LUZP2: variants seen among roughly 807,000 people sequenced by gnomAD.
The protein encoded by LUZP2 is leucine zipper protein 2.
A neutral mutation model predicts 51.6 loss-of-function variants in LUZP2; 52 were observed. The ratio of observed to expected loss-of-function variants is 1.01; its 90% CI spans 0.81 to 1.27. LUZP2 has a LOEUF of 1.27. LUZP2 is among the 50% of genes most tolerant of loss of function. The pLI is 0.00. For synonymous variants in LUZP2, 154 were observed against 137.3 expected, an observed-to-expected ratio of 1.12 and a Z score of -0.85; for missense variants, 436 against 395.4, an observed-to-expected ratio of 1.10 and a Z score of -0.87.
At chr11:24,769,885 C>T (rs148601518) in intron 5 of LUZP2, among the ~76,000 whole-genome samples, 11,768 of 151,334 alleles carry the variant, frequency 0.078, 1,007 homozygotes, top group African/African-American at 0.21. Context: ...CTCCGCCTCC[C>T]GGGTTCAAGC....
chr11:24,814,994 A>C (rs1590578967), intron 5 of LUZP2, among the ~76,000 whole-genome samples: 1 of 60,168 alleles, frequency 1.7e-5, no homozygotes, highest in Non-Finnish European at 3.6e-5. Flanking sequence ...TCCGTCTCAA[A>C]AAAAAAAAAA....
At chr11:24,893,268 GAC>G (rs1159495798) in intron 5 of LUZP2, 3 of 151,772 alleles carry the variant, frequency 2.0e-5, no homozygotes, top group Non-Finnish European at 2.9e-5. Context: ...TTCAGCACTG[GAC>G]ACACAGAAAA....
chr11:24,803,581 G>T (rs899717165), intron 5 of LUZP2, among the ~76,000 whole-genome samples: 3 of 152,036 alleles, frequency 2.0e-5, no homozygotes, highest in South Asian at 4.1e-4. Context: ...AACAACCCAA[G>T]TGTCCATTGA....
chr11:24,941,775 T>A (rs1854754971), intron 7 of LUZP2, among the ~76,000 whole-genome samples: 1 of 152,144 alleles, frequency 6.6e-6, no homozygotes, highest in African/African-American at 2.4e-5. Flanking sequence ...GCTATAAGTA[T>A]AATTTGTGTT....
Position 25,050,062 on chromosome 11 carries a change from A to T in LUZP2, c.790A>T (p.Asn264Tyr). 1.3e-6 allele frequency: 2 copies of T among 1,598,850 alleles called. No homozygotes were observed. The highest frequency in any genetic ancestry group is 1.7e-6 in the Non-Finnish European group (2 of 1,172,364). Residue 264 changes from asparagine to tyrosine, a missense_variant, in exon 10 of 12, where the codon AAT (asparagine) becomes TAT (tyrosine). Physicochemically the swap from Asn to Tyr is moderately radical, Grantham distance 143 (BLOSUM62 -2). Coordinates refer to ENST00000336930, the MANE Select transcript of LUZP2 (RefSeq NM_001009909.4). Reference sequence around the variant, plus strand: ...GCCTCAACAAAGTGCTTCTGGAAACAATGAGAGCTCTCAAGTTGAGTCAAC... The same window carrying T: ...GCCTCAACAAAGTGCTTCTGGAAACTATGAGAGCTCTCAAGTTGAGTCAAC... ...SKPQQSASGN[N>Y]ESSQVESTKE...
At chr11:24,643,429 A>G (rs1258453278) in intron 1 of LUZP2, among the ~76,000 whole-genome samples, 1 of 152,124 alleles carries the variant, frequency 6.6e-6, no homozygotes, top group Non-Finnish European at 1.5e-5. Flanking sequence ...TTATTTGTAG[A>G]ACAAGAACTA....
At position 24,732,138 on chromosome 11, in the gene LUZP2, G is replaced by A. The variant is rs747416408; in HGVS notation, c.201G>A (p.Gln67=). 2 of 1,609,228 alleles carry A rather than the reference G, an allele frequency of 1.2e-6. No homozygotes were observed. The highest frequency in any genetic ancestry group is 1.1e-5 in the South Asian group (1 of 90,612). Residue 67 remains glutamine (Q), a synonymous_variant, in exon 3 of 12, where the codon CAG becomes CAA. Coordinates refer to ENST00000336930, the MANE Select transcript of LUZP2 (RefSeq NM_001009909.4). The stretch of plus-strand genomic sequence containing the variant: ...ATCAGTCCTTAAAAAACGATGAGCA[G>A]TCTGCCAAAACTGATGTTCAGAAAC... ...VNLQSLKNDE[Q]SAKTDVQKLL... is the part of the protein sequence containing the mutation.
intron 1 of LUZP2, among the ~76,000 whole-genome samples, chr11:24,663,942 G>A (rs1235629638): frequency 6.6e-6 from 1 of 152,132 alleles, no homozygotes; most frequent in East Asian, 1.9e-4. Flanking sequence ...GGAACTGTGA[G>A]GATATTAAAC....
intron 1 of LUZP2, among the ~76,000 whole-genome samples, chr11:24,553,542 A>G (rs1235945909): frequency 6.6e-6 from 1 of 152,122 alleles, no homozygotes; most frequent in Non-Finnish European, 1.5e-5. Context: ...TATAATACAC[A>G]TTGGCAAATT....
chr11:24,866,426 C>G (rs1002017209), intron 5 of LUZP2, among the ~76,000 whole-genome samples: 5 of 152,116 alleles, frequency 3.3e-5, no homozygotes, highest in African/African-American at 9.7e-5. Context: ...GACAACCAGC[C>G]TGCAATAAGA....
chr11:24,554,329 A>T (rs983033827), intron 1 of LUZP2, among the ~76,000 whole-genome samples: 7 of 152,142 alleles, frequency 4.6e-5, no homozygotes, highest in African/African-American at 1.7e-4. Context: ...AGAATAAAAT[A>T]TGTAATTTTA....
intron 1 of LUZP2, among the ~76,000 whole-genome samples, chr11:24,531,858 ACT>A (rs1321362395): frequency 1.3e-5 from 2 of 150,812 alleles, no homozygotes; most frequent in African/African-American, 4.8e-5. Context: ...GTCCTTGGTA[ACT>A]CTCTTTGCCT....
At chr11:24,602,014 ATGTATATATGTGTATATATGTATATC>A (rs1565020035) in intron 1 of LUZP2, among the ~76,000 whole-genome samples, 4 of 128,714 alleles carry the variant, frequency 3.1e-5, no homozygotes, top group South Asian at 2.3e-4. Flanking sequence ...ATATGTATAT[ATGTATATATGTGTATATATGTATATC>A]TGTATATATG....
Position 25,078,540 on chromosome 11 carries a change from G to A in LUZP2, c.937-14G>A, listed in dbSNP as rs778719738. ...TTTGATTCTTCGAATTGTCTTTTCT[G>A]TATTGTTTAACAGAAATTGCAAATG... On this transcript the variant is annotated splice_polypyrimidine_tract_variant and intron_variant, in intron 11 of 11. Coordinates refer to ENST00000336930, the MANE Select transcript of LUZP2 (RefSeq NM_001009909.4). 11 of 1,595,726 alleles carry A rather than the reference G, an allele frequency of 6.9e-6. No homozygotes were observed. In the East Asian group the frequency reaches 1.6e-4, roughly 23 times the overall value.
At chr11:24,657,827 G>A (rs1855862636) in intron 1 of LUZP2, among the ~76,000 whole-genome samples, 1 of 152,090 alleles carries the variant, frequency 6.6e-6, no homozygotes, top group Non-Finnish European at 1.5e-5. Context: ...ATTCACAATT[G>A]CTTCAAAGAG....
At chr11:25,044,036 CTATA>C (rs143425336) in intron 9 of LUZP2, among the ~76,000 whole-genome samples, 197 of 11,908 alleles carry the variant, frequency 0.017, no homozygotes, top group East Asian at 0.073. Flanking sequence ...TATATAGAGT[CTATA>C]TATATATCTG....
chr11:25,024,819 A>C (rs1333226095), intron 9 of LUZP2, among the ~76,000 whole-genome samples: 3 of 147,924 alleles, frequency 2.0e-5, no homozygotes, highest in Non-Finnish European at 4.5e-5. Flanking sequence ...TGGAACCAAA[A>C]AAGAGCCCGC....
chr11:24,823,850 T>A (rs1342526987), intron 5 of LUZP2, among the ~76,000 whole-genome samples: 3 of 151,418 alleles, frequency 2.0e-5, no homozygotes, highest in African/African-American at 4.9e-5. Context: ...GATCACAAAG[T>A]CAGGAGATCG....
At chr11:25,040,269 A>C (rs945987494) in intron 9 of LUZP2, among the ~76,000 whole-genome samples, 7 of 150,556 alleles carry the variant, frequency 4.6e-5, no homozygotes, top group African/African-American at 1.7e-4. Flanking sequence ...GCTTTAATAA[A>C]ATTAAAGTAT....
Sources: gnomAD v4.1 joint callset for allele counts (sites outside exome capture counted in the v4.1 genomes callset) on GRCh38, gnomAD v4.1.1 for gene constraint, MANE v1.5 for transcripts, NCBI Gene and HGNC (gene_info 2026-07-23, HGNC 2026-07-21) for gene names.